The following KCNC4 variants were observed in gnomAD, a reference collection of about 807,000 sequenced individuals.
KCNC4 encodes the protein potassium voltage-gated channel subfamily C member 4, also known as voltage-gated potassium channel KCNC4.
A neutral mutation model predicts 42.8 loss-of-function variants in KCNC4; 23 were observed. That is an observed-to-expected ratio of 0.54 (90% CI 0.39 to 0.76). The LOEUF is 0.76. Among genes scored for constraint, KCNC4 ranks in the 30% least tolerant of loss-of-function variants. KCNC4 has a pLI of 0.00. For missense variants in KCNC4, 751 were observed against 898.2 expected, an observed-to-expected ratio of 0.84 and a Z score of 2.10; for synonymous variants, 422 against 393.5, an observed-to-expected ratio of 1.07 and a Z score of -0.86.
At chr1:110,272,725 GGAGA>G (rs1659657244) in intron 1 of KCNC4, 1 of 152,240 alleles carries the variant, frequency 6.6e-6, no homozygotes, top group Admixed American at 6.5e-5. Context: ...GAGGGGTTGG[GGAGA>G]GAGAGACAGA....
At chr1:110,248,554 T>TA (rs1659196735) in exon 4 of KCNC4, 1 of 152,212 alleles carries the variant, frequency 6.6e-6, no homozygotes, top group African/African-American at 2.4e-5. Flanking sequence ...TTGTATTTTT[T>TA]AAAAAATTAT....
At chr1:110,250,207 A>G (rs1215863078), downstream of KCNC4, among the ~76,000 whole-genome samples, 8 of 151,954 alleles carry the variant, frequency 5.3e-5, no homozygotes, top group Non-Finnish European at 1.2e-4. Flanking sequence ...TCATCTGGCT[A>G]ATGCCTACTT....
At chr1:110,224,042 GTGT>G in intron 2 of KCNC4, 142 bp downstream of exon 2, 4 of 685,892 alleles carry the variant, frequency 5.8e-6, no homozygotes, top group Non-Finnish European at 9.9e-6. Flanking sequence ...TGAGGGCAAA[GTGT>G]TGAGGCCGAA....
chr1:110,277,694 C>T (rs1307965308), intron 1 of KCNC4, among the ~76,000 whole-genome samples: 1 of 152,198 alleles, frequency 6.6e-6, no homozygotes, highest in Non-Finnish European at 1.5e-5. Context: ...ACCCAGTACC[C>T]CCAGGAGAGG....
chr1:110,281,555 A>ACACACACACACACACACACAC (rs71752517), intron 1 of KCNC4, among the ~76,000 whole-genome samples: 2 of 140,350 alleles, frequency 1.4e-5, no homozygotes, highest in African/African-American at 5.4e-5. Flanking sequence ...CATATGTAAA[A>ACACACACACACACACACACAC]ACACACACAC....
At chr1:110,230,443 G>A (rs1658634691) in intron 3 of KCNC4, among the ~76,000 whole-genome samples, 1 of 152,200 alleles carries the variant, frequency 6.6e-6, no homozygotes, top group Non-Finnish European at 1.5e-5. Flanking sequence ...GGGTGTGCAG[G>A]TTCACAGGGA....
At position 110,212,757 on chromosome 1, in the gene KCNC4, C is replaced by G. The variant is rs3754436; in HGVS notation, c.678+580C>G. 2.0e-5 allele frequency among the ~76,000 whole-genome samples: 3 copies of G among 152,188 alleles called. No homozygotes were observed. In the East Asian group the frequency reaches 5.8e-4, roughly 29 times the overall value. On this transcript the variant is annotated intron_variant, in intron 1 of 3. Transcript: ENST00000438661. ...CAAAGCTGAGACCACAATCCGGCCTCCTTTCCAGGTTTAAGAAAGGCATTC... is the reference window on the plus strand; with the variant it reads ...CAAAGCTGAGACCACAATCCGGCCTGCTTTCCAGGTTTAAGAAAGGCATTC...
In KCNC4 at chr1:110,232,077, T is replaced by C. The variant is rs1658719609; in HGVS notation, c.1820-834T>C. On this transcript the variant is annotated intron_variant, in intron 3 of 3. Coordinates refer to ENST00000438661, the MANE Select transcript of KCNC4 (RefSeq NM_001039574.3). ...GGGACAGCAGTACTCCTACCTGCCCTACCTGTGCTCCCACTGGTAAGGTAG... is the reference window on the plus strand; with the variant it reads ...GGGACAGCAGTACTCCTACCTGCCCCACCTGTGCTCCCACTGGTAAGGTAG... 19 of 713,378 alleles carry C rather than the reference T, an allele frequency of 2.7e-5. No homozygotes were observed. The South Asian group carries it at 3.3e-4, about 12-fold the overall frequency. The allele number at this position is 713,378 out of a possible 1,614,324, so 44.2% of individuals were successfully genotyped here. A position where few individuals can be genotyped will look rare whatever the true frequency, so the allele number is the denominator to read the frequency against.
At chr1:110,269,554 G>A (rs1659604704) in intron 1 of KCNC4, among the ~76,000 whole-genome samples, 1 of 152,176 alleles carries the variant, frequency 6.6e-6, no homozygotes. Flanking sequence ...ACCAGTTGAA[G>A]GACATTAGAG....
At chr1:110,225,651 C>T (rs1431805314) in intron 2 of KCNC4, 6 of 260,722 alleles carry the variant, frequency 2.3e-5, no homozygotes, top group East Asian at 1.5e-4. Context: ...GTAGAGTCTG[C>T]GGACTGCTTT....
At chr1:110,281,585 C>CACAG (rs1446429846) in intron 1 of KCNC4, among the ~76,000 whole-genome samples, 1 of 151,894 alleles carries the variant, frequency 6.6e-6, no homozygotes, top group South Asian at 2.1e-4. Context: ...CACACACACA[C>CACAG]ACACATACTG....
intron 1 of KCNC4, among the ~76,000 whole-genome samples, chr1:110,218,954 C>T (rs1263437078): frequency 6.6e-6 from 1 of 152,178 alleles, no homozygotes; most frequent in Admixed American, 6.5e-5. Flanking sequence ...TGAGACCCTC[C>T]TGCATCCTCC....
At chr1:110,216,526 C>A (rs2100993649) in intron 1 of KCNC4, among the ~76,000 whole-genome samples, 1 of 152,302 alleles carries the variant, frequency 6.6e-6, no homozygotes, top group East Asian at 1.9e-4. Flanking sequence ...TCTCTGAATG[C>A]TGAGGTGTTT....
At chr1:110,250,505 C>T (rs1389709996), downstream of KCNC4, among the ~76,000 whole-genome samples, 1 of 152,138 alleles carries the variant, frequency 6.6e-6, no homozygotes, top group Non-Finnish European at 1.5e-5. Context: ...TAGAAACTCC[C>T]AGGAAAAAAG....
chr1:110,210,649 C>G lies in KCNC4; in HGVS notation c.-851C>G, dbSNP rs993258837. 6.6e-6 allele frequency among the ~76,000 whole-genome samples: 1 copy of G among 151,252 alleles called. No individual in the cohort carries two copies. The highest frequency in any genetic ancestry group is 2.4e-5 in the African/African-American group (1 of 41,290). ...GCCCGGCTCCCCAGAGCGGCCCCGC[C>G]CCCCAGGCTCGGCGCCGCGCAGGAC... On this transcript the variant is annotated 5_prime_UTR_variant, in exon 1 of 4. Coordinates refer to ENST00000438661, the MANE Select transcript of KCNC4 (RefSeq NM_001039574.3).
intron 1 of KCNC4, among the ~76,000 whole-genome samples, chr1:110,260,570 TTTTC>T (rs1659406637): frequency 6.6e-6 from 1 of 152,350 alleles, no homozygotes; most frequent in East Asian, 1.9e-4. Context: ...GGGGTGACCC[TTTTC>T]TTTCTTTATA....
At chr1:110,226,953 T>C (rs1262621731) in intron 3 of KCNC4, among the ~76,000 whole-genome samples, 1 of 152,182 alleles carries the variant, frequency 6.6e-6, no homozygotes, top group African/African-American at 2.4e-5. Context: ...TGATCAAGGA[T>C]GGTGGAGGGC....
chr1:110,255,637 C>T (rs1659316738), intron 1 of KCNC4, among the ~76,000 whole-genome samples: 1 of 152,140 alleles, frequency 6.6e-6, no homozygotes, highest in African/African-American at 2.4e-5. Context: ...GTCTCAAAAG[C>T]AAGGGTTGCC....
intron 3 of KCNC4, chr1:110,232,645 G>A: frequency 6.9e-7 from 1 of 1,444,812 alleles, no homozygotes; most frequent in Non-Finnish European, 9.1e-7. Flanking sequence ...AGTTGGGTTG[G>A]CAGAGGGGTG....
Sources: allele counts gnomAD v4.1 joint callset (sites outside exome capture counted in the v4.1 genomes callset), GRCh38; gene constraint gnomAD v4.1.1; transcripts MANE v1.5; gene names NCBI Gene and HGNC (gene_info 2026-07-23, HGNC 2026-07-21).